The following SOX5 variants were observed in gnomAD, a reference collection of about 807,000 sequenced individuals.
SOX5 encodes SRY-box transcription factor 5.
Under a neutral mutation model 92.0 loss-of-function variants are expected in SOX5, and 9 were observed. The observed-to-expected ratio is 0.10, with a 90% confidence interval of 0.06 to 0.17. The LOEUF is 0.17. SOX5 is among the 10% of genes least tolerant of loss of function. The pLI is 1.00. For synonymous variants in SOX5, 344 were observed against 336.3 expected (o/e 1.02, Z -0.25); for missense variants, 642 against 944.5 (o/e 0.68, Z 4.20).
At chr12:23,805,933 C>A (rs750597712) in intron 3 of SOX5, among the ~76,000 whole-genome samples, 1 of 152,116 alleles carries the variant, frequency 6.6e-6, no homozygotes, top group African/African-American at 2.4e-5. Flanking sequence ...GTTCATTACT[C>A]TTCTAGGGGT....
intron 1 of SOX5, among the ~76,000 whole-genome samples, chr12:24,430,505 G>A (rs998454052): frequency 4.0e-5 from 6 of 149,868 alleles, no homozygotes; most frequent in Non-Finnish European, 8.8e-5. Context: ...AAATTGAAAT[G>A]AATATCCACT....
At chr12:23,549,428 G>C (rs1239939576) in intron 11 of SOX5, among the ~76,000 whole-genome samples, 1 of 151,894 alleles carries the variant, frequency 6.6e-6, no homozygotes, top group East Asian at 1.9e-4. Flanking sequence ...AGTTTCTGCA[G>C]AAAAATAGCA....
At chr12:24,007,235 A>T (rs1435075932) in intron 4 of SOX5, among the ~76,000 whole-genome samples, 2 of 11,010 alleles carry the variant, frequency 1.8e-4, no homozygotes, top group East Asian at 5.5e-3. Flanking sequence ...AAATGTATTT[A>T]TATATATAAA....
At chr12:23,975,347 T>TAAAA (rs1369141914) in intron 4 of SOX5, among the ~76,000 whole-genome samples, 1 of 150,734 alleles carries the variant, frequency 6.6e-6, no homozygotes, top group African/African-American at 2.4e-5. Flanking sequence ...ATACTTTTTT[T>TAAAA]AAAAAAAAAA....
At chr12:23,834,090 G>A (rs2096374200) in intron 3 of SOX5, among the ~76,000 whole-genome samples, 1 of 151,994 alleles carries the variant, frequency 6.6e-6, no homozygotes, top group Non-Finnish European at 1.5e-5. Flanking sequence ...CATTAGCAGT[G>A]TAGACTGACT....
At chr12:23,710,831 G>A (rs1469544257) in intron 6 of SOX5, among the ~76,000 whole-genome samples, 1 of 152,130 alleles carries the variant, frequency 6.6e-6, no homozygotes, top group Non-Finnish European at 1.5e-5. Flanking sequence ...CTTCCACAAT[G>A]GTTGAACTAG....
chr12:23,993,985 G>C (rs531091593), intron 4 of SOX5, among the ~76,000 whole-genome samples: 47 of 152,094 alleles, frequency 3.1e-4, no homozygotes, highest in African/African-American at 1.1e-3. Context: ...GTGGTGGCGT[G>C]TGTCTGTAGT....
At chr12:23,984,034 T>C (rs1949839523) in intron 4 of SOX5, among the ~76,000 whole-genome samples, 1 of 152,184 alleles carries the variant, frequency 6.6e-6, no homozygotes, top group Middle Eastern at 3.4e-3. Flanking sequence ...AGGTTCAGAG[T>C]AAAGAAGAAA....
chr12:23,614,959 G>A (rs756039609), intron 8 of SOX5, among the ~76,000 whole-genome samples: 2 of 151,604 alleles, frequency 1.3e-5, no homozygotes, highest in Non-Finnish European at 2.9e-5. Context: ...GTGCCACCGC[G>A]CCCAGCTAAT....
intron 12 of SOX5, among the ~76,000 whole-genome samples, chr12:23,544,941 TC>T (rs1246412076): frequency 6.6e-6 from 1 of 152,230 alleles, no homozygotes; most frequent in Non-Finnish European, 1.5e-5. Context: ...ACATTATGTG[TC>T]TTCATCAAAT....
chr12:24,486,090 C>T (rs1857737801), intron 1 of SOX5, among the ~76,000 whole-genome samples: 1 of 152,062 alleles, frequency 6.6e-6, no homozygotes, highest in Admixed American at 6.6e-5. Context: ...GTAACTGGAA[C>T]TACAGGCACT....
Position 24,174,709 on chromosome 12 carries a change from T to C in SOX5, c.-2+38634A>G, listed in dbSNP as rs550730316. ...GGTGGCTGGTGCCTGTAATCCCAGC[T>C]GCTCAGGAGGCTGAGGAAGGAGAAT... On this transcript the variant is annotated intron_variant, in intron 4 of 4. Coordinates refer to the SOX5 transcript ENST00000446891. Among the ~76,000 whole-genome samples the C allele has an allele frequency of 2.0e-5, 3 of 152,108 alleles. No homozygotes were observed. In the South Asian group the frequency reaches 6.2e-4, roughly 32 times the overall value.
At chr12:23,681,933 A>C (rs1299441848) in intron 6 of SOX5, among the ~76,000 whole-genome samples, 2 of 151,780 alleles carry the variant, frequency 1.3e-5, no homozygotes, top group Admixed American at 6.6e-5. Context: ...CTCACAATTT[A>C]TGATGAAAAA....
chr12:24,020,776 T>G (rs1027614994), intron 4 of SOX5, among the ~76,000 whole-genome samples: 1 of 152,206 alleles, frequency 6.6e-6, no homozygotes, highest in African/African-American at 2.4e-5. Context: ...AGACCATATG[T>G]AGTTCTGAAA....
intron 4 of SOX5, among the ~76,000 whole-genome samples, chr12:24,108,022 G>T (rs570013028): frequency 1.3e-5 from 2 of 152,276 alleles, no homozygotes; most frequent in African/African-American, 4.8e-5. Flanking sequence ...CAGGCATCTT[G>T]TAAATTGGAA....
At chr12:24,472,454 T>C (rs1222854727) in intron 1 of SOX5, among the ~76,000 whole-genome samples, 1 of 152,190 alleles carries the variant, frequency 6.6e-6, no homozygotes, top group African/African-American at 2.4e-5. Flanking sequence ...TTAGCATGCA[T>C]TGCCAGAAGA....
chr12:24,394,238 C>T (rs1959257827), intron 1 of SOX5, among the ~76,000 whole-genome samples: 1 of 152,154 alleles, frequency 6.6e-6, no homozygotes, highest in Non-Finnish European at 1.5e-5. Context: ...ATCTCATCCT[C>T]ACCTGAGAAG....
intron 6 of SOX5, among the ~76,000 whole-genome samples, chr12:23,732,200 G>C (rs1361134777): frequency 6.6e-6 from 1 of 151,790 alleles, no homozygotes; most frequent in East Asian, 1.9e-4. Flanking sequence ...TAGGAAGAAG[G>C]AGAAAAGGGA....
intron 3 of SOX5, among the ~76,000 whole-genome samples, chr12:23,828,085 T>C (rs138696540): frequency 1.8e-3 from 280 of 152,330 alleles, no homozygotes; most frequent in African/African-American, 6.5e-3. Context: ...TAGATTATAA[T>C]ACCATATTTC....
Sources: gnomAD v4.1 joint callset for allele counts (sites outside exome capture counted in the v4.1 genomes callset) on GRCh38, gnomAD v4.1.1 for gene constraint, MANE v1.5 for transcripts, NCBI Gene and HGNC (gene_info 2026-07-23, HGNC 2026-07-21) for gene names.